The following DPYSL2 variants were observed in gnomAD, a reference collection of about 807,000 sequenced individuals.
DPYSL2 encodes dihydropyrimidinase-related protein 2.
A neutral mutation model predicts 69.9 loss-of-function variants in DPYSL2; 13 were observed. The ratio of observed to expected loss-of-function variants is 0.19; its 90% CI spans 0.12 to 0.30. The LOEUF (loss-of-function observed/expected upper bound fraction) is 0.30, where lower values mean the gene tolerates loss of function less well. DPYSL2 is among the 10% of genes least tolerant of loss of function. The pLI, the probability that DPYSL2 is intolerant of heterozygous loss-of-function variation, is 1.00. For synonymous variants in DPYSL2, 326 were observed against 359.1 expected (o/e 0.91, Z 1.04); for missense variants, 587 against 918.9 (o/e 0.64, Z 4.67).
At chr8:26,578,950 T>G (rs950011496) in intron 1 of DPYSL2, among the ~76,000 whole-genome samples, 1 of 48,656 alleles carries the variant, frequency 2.1e-5, no homozygotes, top group Non-Finnish European at 5.0e-5. Flanking sequence ...GAACCGGTTT[T>G]GGGTGCCCCC....
At position 26,583,831 on chromosome 8, in the gene DPYSL2, G is replaced by A; in HGVS notation, c.476G>A (p.Gly159Glu). The A allele has an allele frequency of 6.2e-7, 1 of 1,613,828 alleles. No individual in the cohort carries two copies. The highest frequency in any genetic ancestry group is 8.5e-7 in the Non-Finnish European group (1 of 1,179,906). ...QIGENLIVPG[G>E]VKTIEAHSRM... ...GGAGAAAATCTGATTGTGCCAGGAG[G>A]AGTGAAGACCATCGAGGCCCACTCC... is the stretch of plus-strand genomic sequence containing the variant. Residue 159 changes from glycine (G) to glutamate (E), a missense_variant, in exon 3 of 14, where the codon GGA becomes GAA. Transcript: ENST00000521913.
At position 26,516,460 on chromosome 8, in the gene DPYSL2, T is replaced by A. The variant is rs1033913187; in HGVS notation, c.354+1781T>A. On this transcript the variant is annotated intron_variant, in intron 1 of 13. Transcript: ENST00000521913. This position sits in a 1 kb window ranked among gnomAD's most constrained non-coding sequence, Gnocchi z 4.8. Reference sequence around the variant, plus strand: ...CAACTGGAGAATAAAGAAGAAATCATGTAAAAAGTGGCAGATCAGAGGATA... The same window carrying A: ...CAACTGGAGAATAAAGAAGAAATCAAGTAAAAAGTGGCAGATCAGAGGATA... Among the ~76,000 whole-genome samples, 1 of 152,130 alleles carries A rather than the reference T, an allele frequency of 6.6e-6. No homozygotes were observed. Among genetic ancestry groups the A allele is most frequent in the Non-Finnish European group, 1.5e-5 (1 of 68,024 alleles).
At chr8:26,558,716 T>A (rs1348303375) in intron 1 of DPYSL2, among the ~76,000 whole-genome samples, 1 of 152,176 alleles carries the variant, frequency 6.6e-6, no homozygotes, top group Non-Finnish European at 1.5e-5. Flanking sequence ...GAAAGGGATA[T>A]ATGGGAATCT....
Position 26,533,444 on chromosome 8 carries a change from C to G in DPYSL2, c.354+18765C>G, listed in dbSNP as rs1325383951. ...CTATTTAAGAGCGTATTTCCTATTC[C>G]AAGGTCACAAAGACTTACCCCTGTG... On this transcript the variant is annotated intron_variant, in intron 1 of 13. Transcript: ENST00000521913. The surrounding 1 kb of genome is among the most constrained non-coding windows in gnomAD (Gnocchi z 4.8). Among the ~76,000 whole-genome samples the G allele has an allele frequency of 2.6e-5, 4 of 152,074 alleles. No homozygotes were observed. Among genetic ancestry groups the G allele is most frequent in the Admixed American group, 1.3e-4 (2 of 15,246 alleles).
Position 26,627,339 on chromosome 8 carries a change from TGA to T in DPYSL2, c.936+48_936+49del, listed in dbSNP as rs778248213. 1 of 1,597,682 alleles carries T rather than the reference TGA, an allele frequency of 6.3e-7. No individual in the cohort carries two copies. The highest frequency in any genetic ancestry group is 8.6e-7 in the Non-Finnish European group (1 of 1,165,646). On this transcript the variant is annotated intron_variant, in intron 6 of 13. Transcript: ENST00000521913. The surrounding 1 kb of genome is among the most constrained non-coding windows in gnomAD (Gnocchi z 6.9). ...CGTCATTTCTTCATCACCTGGAGGG[TGA>T]GAGGCAGGCTCAAGAAAGGGAAGCT...
chr8:26,605,716 T>A lies in DPYSL2; in HGVS notation c.629-18427T>A, dbSNP rs1012345024. ...AAATAACCAATCAGAAAACATAATT[T>A]AAAAAATCCATACACAATAGCAACA... is the stretch of plus-strand genomic sequence containing the variant. On this transcript the variant is annotated intron_variant, in intron 3 of 13. Coordinates refer to ENST00000521913, the MANE Select transcript of DPYSL2 (RefSeq NM_001197293.3). This position sits in a 1 kb window ranked among gnomAD's most constrained non-coding sequence, Gnocchi z 4.1. 6.6e-6 allele frequency among the ~76,000 whole-genome samples: 1 copy of A among 152,078 alleles called. No homozygotes were observed. The highest frequency in any genetic ancestry group is 2.4e-5 in the African/African-American group (1 of 41,402).
chr8:26,521,211 C>T (rs754067845), intron 1 of DPYSL2, among the ~76,000 whole-genome samples: 7 of 152,284 alleles, frequency 4.6e-5, no homozygotes, highest in Admixed American at 2.6e-4. Flanking sequence ...TACTGTCTTA[C>T]GTGCAAGTGC....
chr8:26,574,296 G>T (rs1229741547), intron 1 of DPYSL2, among the ~76,000 whole-genome samples: 1 of 152,184 alleles, frequency 6.6e-6, no homozygotes, highest in Non-Finnish European at 1.5e-5. Flanking sequence ...GACACTGTGT[G>T]CGTGCACCCA....
intron 1 of DPYSL2, among the ~76,000 whole-genome samples, chr8:26,540,150 G>A (rs1800655588): frequency 6.6e-6 from 1 of 152,084 alleles, no homozygotes; most frequent in African/African-American, 2.4e-5. Flanking sequence ...AAACATAATG[G>A]GAAGTTCAAC....
Position 26,588,260 on chromosome 8 carries a change from C to A in DPYSL2, c.628+4277C>A, listed in dbSNP as rs571972002. Among the ~76,000 whole-genome samples, 2 of 152,176 alleles carry A rather than the reference C, an allele frequency of 1.3e-5. No individual in the cohort carries two copies. The highest frequency in any genetic ancestry group is 2.9e-5 in the Non-Finnish European group (2 of 68,044). ...GACCTGAGTATTCACTGAGAGCAGG[C>A]GCTGTCTAGGCGTGGCTGGCGGACT... On this transcript the variant is annotated intron_variant, in intron 3 of 13. Coordinates refer to ENST00000521913, the MANE Select transcript of DPYSL2 (RefSeq NM_001197293.3). The surrounding 1 kb of genome is among the most constrained non-coding windows in gnomAD (Gnocchi z 5.4).
At chr8:26,638,709 G>T (rs1198015792) in intron 8 of DPYSL2, among the ~76,000 whole-genome samples, 1 of 152,198 alleles carries the variant, frequency 6.6e-6, no homozygotes, top group East Asian at 1.9e-4. Flanking sequence ...CTCTTGAAAA[G>T]AACTTAGACA....
At chr8:26,637,618 A>G (rs1802950015) in intron 8 of DPYSL2, 1 of 152,238 alleles carries the variant, frequency 6.6e-6, no homozygotes, top group East Asian at 1.9e-4. Flanking sequence ...CAGCAGAGAT[A>G]TGGGTAATGT....
chr8:26,553,012 G>C (rs914512578), intron 1 of DPYSL2, among the ~76,000 whole-genome samples: 3 of 152,138 alleles, frequency 2.0e-5, no homozygotes, highest in African/African-American at 7.2e-5. Context: ...GGTAATAAAG[G>C]AAGATTATGA....
rs1801882517 is a variant in DPYSL2 at position 26,597,270 on chromosome 8, G to A, written c.628+13287G>A. Among the ~76,000 whole-genome samples the A allele has an allele frequency of 6.6e-6, 1 of 152,166 alleles. No individual in the cohort carries two copies. The highest frequency in any genetic ancestry group is 6.5e-5 in the Admixed American group (1 of 15,280). On this transcript the variant is annotated intron_variant, in intron 3 of 13. Transcript: ENST00000521913. The surrounding 1 kb of genome is among the most constrained non-coding windows in gnomAD (Gnocchi z 5.2). ...ATCAACTGAACTTAATCCTTCTTCT[G>A]GGAGGCCCGGGAGCCTTCTTCCATG...
At chr8:26,611,706 A>C (rs41432246) in intron 3 of DPYSL2, among the ~76,000 whole-genome samples, 5,453 of 152,278 alleles carry the variant, frequency 0.036, 153 homozygotes, top group South Asian at 0.078. Flanking sequence ...ATTGTAACCA[A>C]GTTGGCTCTC....
At position 26,532,404 on chromosome 8, in the gene DPYSL2, C is replaced by T. The variant is rs530904889; in HGVS notation, c.354+17725C>T. ...TATTTTTCACATACCATAAAATTTG[C>T]CCCTTTAAAGTGTATAATTCAGTGG... On this transcript the variant is annotated intron_variant, in intron 1 of 13. Transcript: ENST00000521913. Among the ~76,000 whole-genome samples, 12 of 152,242 alleles carry T rather than the reference C, an allele frequency of 7.9e-5. No homozygotes were observed. In the East Asian group the frequency reaches 2.3e-3, roughly 29 times the overall value.
Position 26,643,692 on chromosome 8 carries a change from T to C in DPYSL2, c.1283+97T>C. ...ACAACATGGTGGCCAAGAGCAGCCA[T>C]AAAACTGGGAGACCCTTGTTCACCA... is the stretch of plus-strand genomic sequence containing the variant. On this transcript the variant is annotated intron_variant, in intron 9 of 13. Coordinates refer to ENST00000521913, the MANE Select transcript of DPYSL2 (RefSeq NM_001197293.3). The surrounding 1 kb of genome is among the most constrained non-coding windows in gnomAD (Gnocchi z 6.5). 1.3e-6 allele frequency: 2 copies of C among 1,555,958 alleles called. No individual in the cohort carries two copies. The highest frequency in any genetic ancestry group is 2.3e-5 in the South Asian group (2 of 87,330).
intron 1 of DPYSL2, among the ~76,000 whole-genome samples, chr8:26,579,006 G>T (rs986952844): frequency 1.3e-5 from 2 of 152,226 alleles, no homozygotes; most frequent in African/African-American, 4.8e-5. Context: ...GCCCTGGCGG[G>T]GATTCGGGCT....
At position 26,560,009 on chromosome 8, in the gene DPYSL2, C is replaced by G. The variant is rs1014979353; in HGVS notation, c.355-21960C>G. On this transcript the variant is annotated intron_variant, in intron 1 of 13. Coordinates refer to ENST00000521913, the MANE Select transcript of DPYSL2 (RefSeq NM_001197293.3). The surrounding 1 kb of genome is among the most constrained non-coding windows in gnomAD (Gnocchi z 4.4). ...CATTATGCTGAGCTGAAACATTGCA[C>G]AAAAGTCCTTCCTCCACTTTCCTTT... is the stretch of plus-strand genomic sequence containing the variant. Among the ~76,000 whole-genome samples, 1 of 152,202 alleles carries G rather than the reference C, an allele frequency of 6.6e-6. No homozygotes were observed. Among genetic ancestry groups the G allele is most frequent in the Non-Finnish European group, 1.5e-5 (1 of 68,036 alleles).
Sources: allele counts gnomAD v4.1 joint callset (sites outside exome capture counted in the v4.1 genomes callset), GRCh38; gene constraint gnomAD v4.1.1; non-coding constraint Gnocchi (gnomAD v3.1); transcripts MANE v1.5; gene names NCBI Gene and HGNC (gene_info 2026-07-23, HGNC 2026-07-21).